RNF126: variants seen among roughly 807,000 people sequenced by gnomAD.
RNF126 encodes the protein E3 ubiquitin-protein ligase RNF126.
A neutral mutation model predicts 41.9 loss-of-function variants in RNF126; 20 were observed. The ratio of observed to expected loss-of-function variants is 0.48; its 90% CI spans 0.34 to 0.69. The LOEUF is 0.69. RNF126 is among the 30% of genes least tolerant of loss of function. The pLI is 0.01. For missense variants in RNF126, 433 were observed against 460.6 expected (o/e 0.94, Z 0.55); for synonymous variants, 239 against 202.9 (o/e 1.18, Z -1.51).
chr19:649,261 T>TG (rs1256125859), intron 6 of RNF126: 23 of 271,608 alleles, frequency 8.5e-5, no homozygotes, highest in South Asian at 2.7e-4. Context: ...GACGGCGGAA[T>TG]GGGGGGGCCG....
intron 1 of RNF126, among the ~76,000 whole-genome samples, chr19:661,148 G>A (rs1002829921): frequency 1.3e-5 from 2 of 152,244 alleles, no homozygotes; most frequent in African/African-American, 2.4e-5. Flanking sequence ...GTCGGAGGAG[G>A]TCAAGGTCCT....
chr19:661,524 C>T (rs1409014677), intron 1 of RNF126: 3 of 152,342 alleles, frequency 2.0e-5, no homozygotes, highest in Non-Finnish European at 4.4e-5. Flanking sequence ...ATTTGTTCCT[C>T]CTGCTGGGGA....
chr19:647,992 C>T lies in RNF126; in HGVS notation c.*136G>A, dbSNP rs1049411778. ...GCCGGTGGGCCGGGCCCGGGTCCTG[C>T]CCTGGAACAGGCGGGACCTGCAGCG... On this transcript the variant is annotated 3_prime_UTR_variant, in exon 9 of 9. Transcript: ENST00000292363. 5.3e-6 allele frequency: 6 copies of T among 1,127,574 alleles called. No homozygotes were observed. In the African/African-American group the frequency reaches 7.9e-5, roughly 15 times the overall value. 69.8% of individuals were successfully genotyped at this position (1,127,574 alleles called of 1,614,324 possible).
chr19:649,693 C>T lies in RNF126; in HGVS notation c.562G>A (p.Ala188Thr). The change falls in exon 6 of 9, where the codon GCC (alanine) becomes ACC (threonine). Residue 188 changes from alanine (A) to threonine (T), a missense_variant. Physicochemically the swap from Ala to Thr is moderately conservative, Grantham distance 58 (BLOSUM62 0). Transcript: ENST00000292363. The stretch of plus-strand genomic sequence containing the variant: ...CCACGCTGTACCTGTGTGATGATGG[C>T]ATCCAGGCCGTTGGCCCCCCAGGCG... ...DYAWGANGLD[A>T]IITQLLNQFE... 1 of 1,566,900 alleles carries T rather than the reference C, an allele frequency of 6.4e-7. No homozygotes were observed.
rs768049524 is a variant in RNF126 at position 648,152 on chromosome 19, G to A, written c.912C>T (p.Asn304=). The A allele has an allele frequency of 5.6e-6, 9 of 1,599,266 alleles. No individual in the cohort carries two copies. The highest frequency in any genetic ancestry group is 4.5e-5 in the South Asian group (4 of 89,576). The change falls in exon 9 of 9, where the codon AAC becomes AAT. Residue 304 remains asparagine, a synonymous_variant. Coordinates refer to ENST00000292363, the MANE Select transcript of RNF126 (RefSeq NM_194460.3). The stretch of plus-strand genomic sequence containing the variant: ...CTCACGAGTTGCTTGTGGCGTTCTC[G>A]TTGCTGGGCGAGCTGGAGGAGGACG... ...SSSSSSSSPS[N]ENATSNS is the part of the protein sequence containing the mutation.
chr19:652,605 C>T (rs1050518191), intron 2 of RNF126: 18 of 609,234 alleles, frequency 3.0e-5, no homozygotes, highest in South Asian at 1.4e-4. Context: ...GGGAGGTGAG[C>T]GGCTGCACAG....
chr19:659,894 A>G lies in RNF126; in HGVS notation c.75+3153T>C, dbSNP rs2030722932. Among the ~76,000 whole-genome samples, 1 of 150,802 alleles carries G rather than the reference A, an allele frequency of 6.6e-6. No homozygotes were observed. Among genetic ancestry groups the G allele is most frequent in the Non-Finnish European group, 1.5e-5 (1 of 67,804 alleles). On this transcript the variant is annotated intron_variant, in intron 1 of 8. Transcript: ENST00000292363. The surrounding 1 kb of genome is among the most constrained non-coding windows in gnomAD (Gnocchi z 4.9). ...TTCTCCCGCCTCAGCCTCCTAAGTC[A>G]CTGGGACTACAGGTGCCTGCCACCA...
rs2285752 is a variant in RNF126 at position 651,874 on chromosome 19, C to T, written c.199-19G>A. The stretch of plus-strand genomic sequence containing the variant: ...CCACGTGCTGGGGAGAGGAGGGGGG[C>T]GTGACCTCGGGGGCTCAGGCCCGTG... On this transcript the variant is annotated intron_variant, in intron 3 of 8. Transcript: ENST00000292363. The T allele has an allele frequency of 2.2e-4, 353 of 1,595,500 alleles. 1 individual carries two copies. The highest frequency in any genetic ancestry group is 2.5e-4 in the East Asian group (11 of 44,322).
chr19:655,358 C>G (rs1435810979), intron 1 of RNF126, among the ~76,000 whole-genome samples: 1 of 151,716 alleles, frequency 6.6e-6, no homozygotes, highest in Admixed American at 6.6e-5. Flanking sequence ...ACAGACAACG[C>G]AACTAAAAAC....
At position 652,785 on chromosome 19, in the gene RNF126, C is replaced by T. The variant is rs533172800; in HGVS notation, c.134+41G>A. The stretch of plus-strand genomic sequence containing the variant: ...CCACACCCCTACAACAGCTGAGGCC[C>T]GGCTGGCTCTTCCAGCCTCTTCAAC... On this transcript the variant is annotated intron_variant, in intron 2 of 8. Coordinates refer to ENST00000292363, the MANE Select transcript of RNF126 (RefSeq NM_194460.3). 165 of 1,587,854 alleles carry T rather than the reference C, an allele frequency of 1.0e-4. 2 individuals carry two copies. In the South Asian group the frequency reaches 1.3e-3, roughly 13 times the overall value.
rs141916909 is a variant in RNF126, at chr19:651,741, C to T, written c.313G>A (p.Gly105Ser). ...TCCCGCCGGCTCTCAGGGTCCCTGCCGTCGTCAGCCTGCGCCCCAGGAGGG... is the reference window on the plus strand; with the variant it reads ...TCCCGCCGGCTCTCAGGGTCCCTGCTGTCGTCAGCCTGCGCCCCAGGAGGG... ...TFPPGAQADDGRDPESRRERD... is the reference protein window; with the variant it reads ...TFPPGAQADDSRDPESRRERD... The change falls in exon 4 of 9, where the codon GGC becomes AGC. Residue 105 changes from glycine to serine, a missense_variant. This residue lies in a region of RNF126 where 247 missense variants were observed against 224.7 expected (regional missense o/e 1.10). Coordinates refer to ENST00000292363, the MANE Select transcript of RNF126 (RefSeq NM_194460.3). The T allele has an allele frequency of 3.9e-4, 625 of 1,612,350 alleles. 1 individual carries two copies. Among genetic ancestry groups the T allele is most frequent in the Non-Finnish European group, 4.5e-4 (532 of 1,179,736 alleles).
intron 1 of RNF126, 120 bp from the exon 2 acceptor site, chr19:653,004 G>A: frequency 4.3e-6 from 4 of 932,566 alleles, no homozygotes; most frequent in Non-Finnish European, 6.7e-6. Context: ...GCACACGCAG[G>A]CCAGGGTGGC....
Position 663,141 on chromosome 19 carries a change from G to T in RNF126, c.-20C>A. 8.5e-7 allele frequency: 1 copy of T among 1,179,012 alleles called. No homozygotes were observed. Among genetic ancestry groups the T allele is most frequent in the Non-Finnish European group, 1.1e-6 (1 of 947,622 alleles). The allele number at this position is 1,179,012 out of a possible 1,614,324, so 73.0% of individuals were successfully genotyped here. On this transcript the variant is annotated 5_prime_UTR_variant, in exon 1 of 9. Transcript: ENST00000292363. Reference sequence around the variant, plus strand: ...GGCCATGGCCGCCGCCACCTACTCCGCGCCGCCCGCCCCCCGCGCGGCACC... The same window carrying T: ...GGCCATGGCCGCCGCCACCTACTCCTCGCCGCCCGCCCCCCGCGCGGCACC...
chr19:657,747 C>G lies in RNF126; in HGVS notation c.76-4863G>C, dbSNP rs565539285. 4.6e-5 allele frequency among the ~76,000 whole-genome samples: 7 copies of G among 152,328 alleles called. No homozygotes were observed. In the South Asian group the frequency reaches 1.4e-3, roughly 32 times the overall value. On this transcript the variant is annotated intron_variant, in intron 1 of 8. Transcript: ENST00000292363. Reference sequence around the variant, plus strand: ...TCTGGGCTGTCTCTCAGGCCCCCGGCCAGCCCCTCCAGGGCCACCGAAGGC... The same window carrying G: ...TCTGGGCTGTCTCTCAGGCCCCCGGGCAGCCCCTCCAGGGCCACCGAAGGC...
intron 2 of RNF126, 186 bp downstream of exon 2, chr19:652,640 C>T (rs537993973): frequency 1.3e-5 from 8 of 628,194 alleles, no homozygotes; most frequent in South Asian, 3.9e-5. Flanking sequence ...CCTCTGGCCC[C>T]GGCCCGGCCA....
At chr19:653,301 G>A (rs73918170) in intron 1 of RNF126, among the ~76,000 whole-genome samples, 169 of 152,294 alleles carry the variant, frequency 1.1e-3, no homozygotes, top group African/African-American at 1.5e-3. Context: ...CACACAGCCC[G>A]TTCCCCTGGC....
At chr19:655,574 G>A (rs886485102) in intron 1 of RNF126, among the ~76,000 whole-genome samples, 13 of 152,036 alleles carry the variant, frequency 8.6e-5, no homozygotes, top group African/African-American at 2.7e-4. Flanking sequence ...CAGCCCCAGC[G>A]AGATGCCACT....
chr19:652,418 G>C, intron 2 of RNF126, 122 bp from the exon 3 acceptor site: 1 of 852,004 alleles, frequency 1.2e-6, no homozygotes, highest in East Asian at 2.8e-5. Context: ...CTTCCCACCC[G>C]CCACCGCCCC....
At chr19:662,124 G>A (rs573115270) in intron 1 of RNF126, among the ~76,000 whole-genome samples, 93 of 152,274 alleles carry the variant, frequency 6.1e-4, no homozygotes, top group Non-Finnish European at 1.1e-3. Context: ...TTCAAGACCA[G>A]CCTGGGCAAC....
Sources: allele counts gnomAD v4.1 joint callset (sites outside exome capture counted in the v4.1 genomes callset), GRCh38; gene constraint gnomAD v4.1.1; regional missense constraint gnomAD v4.1.1; non-coding constraint Gnocchi (gnomAD v3.1); transcripts MANE v1.5; gene names NCBI Gene and HGNC (gene_info 2026-07-23, HGNC 2026-07-21).